The following PLCH2 variants were observed in gnomAD, a reference collection of about 807,000 sequenced individuals.
PLCH2 encodes the protein 1-phosphatidylinositol 4,5-bisphosphate phosphodiesterase eta-2.
In PLCH2, 98 loss-of-function variants were observed where a neutral mutation model predicts 134.7. That is an observed-to-expected ratio of 0.73 (90% CI 0.62 to 0.86). The LOEUF (loss-of-function observed/expected upper bound fraction) is 0.86. PLCH2 is among the 40% of genes least tolerant of loss of function. PLCH2 has a pLI of 0.00. For missense variants in PLCH2, 1,994 were observed against 1,986.6 expected (o/e 1.00, Z -0.07); for synonymous variants, 974 against 827.5 (o/e 1.18, Z -3.04).
Position 2,458,185 on chromosome 1 carries a change from C to T in PLCH2, c.116-20291C>T, listed in dbSNP as rs146908130. ...TGGGTGGGGACTCAGGGCAGGACAC[C>T]GGGCTGCCTGGGGCGGGGGGACTCC... On this transcript the variant is annotated intron_variant, in intron 2 of 3. Transcript: ENST00000609981. Among the ~76,000 whole-genome samples, 14 of 152,276 alleles carry T rather than the reference C, an allele frequency of 9.2e-5. No individual in the cohort carries two copies. In the East Asian group the frequency reaches 2.1e-3, roughly 23 times the overall value.
At chr1:2,468,101 C>T (rs568467142) in intron 1 of PLCH2, among the ~76,000 whole-genome samples, 17 of 152,330 alleles carry the variant, frequency 1.1e-4, no homozygotes, top group Non-Finnish European at 1.6e-4. Context: ...GTGCCAGGGG[C>T]TGGTAGGCTC....
upstream of PLCH2, among the ~76,000 whole-genome samples, chr1:2,466,346 C>T (rs560556013): frequency 1.3e-5 from 2 of 152,302 alleles, no homozygotes; most frequent in Non-Finnish European, 2.9e-5. Flanking sequence ...AGGGGCTGGT[C>T]CAGCCGAGGG....
chr1:2,445,627 G>C (rs12727176), intron 2 of PLCH2, among the ~76,000 whole-genome samples: 18,001 of 151,962 alleles, frequency 0.12, 1,178 homozygotes, highest in African/African-American at 0.16. Flanking sequence ...TGACCAGGTA[G>C]GGACCCTGCC....
chr1:2,484,643 G>T lies in PLCH2; in HGVS notation c.816+25G>T, dbSNP rs776248387. 3.7e-6 allele frequency: 6 copies of T among 1,605,906 alleles called. No individual in the cohort carries two copies. In the South Asian group the frequency reaches 4.4e-5, roughly 12 times the overall value. On this transcript the variant is annotated intron_variant, in intron 5 of 21. Coordinates refer to ENST00000378486, the MANE Select transcript of PLCH2 (RefSeq NM_014638.4). The stretch of plus-strand genomic sequence containing the variant: ...GGTGTGCTGCCCGGGGCAGGTGTTG[G>T]GGGGCCAGCCATCAGGCCTCGCCTT...
chr1:2,501,996 C>T (rs932816054), intron 20 of PLCH2, 116 bp from the exon 21 acceptor site: 19 of 978,204 alleles, frequency 1.9e-5, no homozygotes, highest in African/African-American at 1.7e-5. Flanking sequence ...CCCAGCCCCT[C>T]GGACCGAGAC....
Position 2,495,474 on chromosome 1 carries a change from T to G in PLCH2, c.1753-14T>G. Reference sequence around the variant, plus strand: ...CCAGAGGCCCTACAGCTCACACCTCTGCCCCCCGCACAGAAGAAGGGCAGC... The same window carrying G: ...CCAGAGGCCCTACAGCTCACACCTCGGCCCCCCGCACAGAAGAAGGGCAGC... On this transcript the variant is annotated splice_polypyrimidine_tract_variant and intron_variant, in intron 12 of 21. Transcript: ENST00000378486. The G allele has an allele frequency of 6.4e-7, 1 of 1,550,516 alleles. No individual in the cohort carries two copies. Among genetic ancestry groups the G allele is most frequent in the Non-Finnish European group, 8.7e-7 (1 of 1,146,390 alleles).
At chr1:2,433,340 T>A (rs1162552651) in intron 2 of PLCH2, among the ~76,000 whole-genome samples, 3 of 152,216 alleles carry the variant, frequency 2.0e-5, no homozygotes, top group African/African-American at 7.2e-5. Flanking sequence ...CCCTGGCATC[T>A]CCATGTGGAT....
chr1:2,480,007 G>A (rs1207227825), intron 3 of PLCH2, 30 bp downstream of exon 3: 1 of 1,594,390 alleles, frequency 6.3e-7, no homozygotes, highest in Non-Finnish European at 8.6e-7. Flanking sequence ...GGGCAATGCA[G>A]ACCCAGGGAC....
At chr1:2,416,617 G>C in the PLCH2 span, among the ~76,000 whole-genome samples, 1 of 152,256 alleles carries the variant, frequency 6.6e-6, no homozygotes, top group Non-Finnish European at 1.5e-5. Context: ...GGCACAGTCA[G>C]GCAGAGGCCC....
Position 2,444,931 on chromosome 1 carries a change from C to A in PLCH2, c.115+14302C>A, listed in dbSNP as rs143896965. ...TGTCTGATCCTAGAGACTCCTTCAG[C>A]GAGGTGCAGCCTCAGAGGGGATTCA... On this transcript the variant is annotated intron_variant, in intron 2 of 3. Coordinates refer to the PLCH2 transcript ENST00000609981. The surrounding 1 kb of genome is among the most constrained non-coding windows in gnomAD (Gnocchi z 4.6). Among the ~76,000 whole-genome samples the A allele has an allele frequency of 3.9e-4, 59 of 152,204 alleles. No individual in the cohort carries two copies. Among genetic ancestry groups the A allele is most frequent in the African/African-American group, 1.3e-3 (53 of 41,514 alleles).
At chr1:2,488,529 T>G (rs567223004) in intron 8 of PLCH2, among the ~76,000 whole-genome samples, 10 of 152,270 alleles carry the variant, frequency 6.6e-5, no homozygotes, top group Non-Finnish European at 1.0e-4. Context: ...CAGGACTTGC[T>G]CATCTCTTGC....
chr1:2,449,802 C>G (rs1640109018), intron 2 of PLCH2, among the ~76,000 whole-genome samples: 2 of 152,218 alleles, frequency 1.3e-5, no homozygotes, highest in Admixed American at 1.3e-4. Context: ...CTCTGCCTAG[C>G]CACCTCTCAG....
upstream of PLCH2, among the ~76,000 whole-genome samples, chr1:2,475,275 G>C (rs1362230339): frequency 2.6e-5 from 4 of 152,226 alleles, no homozygotes; most frequent in Non-Finnish European, 5.9e-5. Context: ...CCTGGTATGG[G>C]GGGAGGCGAG....
chr1:2,479,417 G>A (rs906096826), intron 2 of PLCH2: 1 of 279,556 alleles, frequency 3.6e-6, no homozygotes, highest in Non-Finnish European at 7.0e-6. Flanking sequence ...GTGGAGACGT[G>A]CTGGTTAAAC....
intron 2 of PLCH2, among the ~76,000 whole-genome samples, chr1:2,431,091 T>G (rs1639046648): frequency 6.6e-6 from 1 of 152,200 alleles, no homozygotes. Flanking sequence ...CCTGAGCTTC[T>G]GCTGGGATGC....
chr1:2,484,708 A>ATGGG (rs1366076096), intron 5 of PLCH2, 90 bp downstream of exon 5: 2 of 1,411,378 alleles, frequency 1.4e-6, no homozygotes, highest in African/African-American at 2.8e-5. Context: ...GACAGTGGTG[A>ATGGG]TGGGGGAGCT....
intron 2 of PLCH2, among the ~76,000 whole-genome samples, chr1:2,435,856 G>A (rs1639303984): frequency 6.6e-6 from 1 of 151,888 alleles, no homozygotes; most frequent in South Asian, 2.1e-4. Flanking sequence ...TCTGTCCAGT[G>A]TGGGGCTGAA....
At chr1:2,463,998 G>A (rs1440555517), upstream of PLCH2, among the ~76,000 whole-genome samples, 1 of 152,222 alleles carries the variant, frequency 6.6e-6, no homozygotes, top group Admixed American at 6.5e-5. Context: ...GGCATTTTCT[G>A]GAACACACTC....
rs1425155521 is a variant in PLCH2 at position 2,439,953 on chromosome 1, G to A, written c.115+9324G>A. ...ATGTCCGGGACACTGCGGGGGACAA[G>A]GCAACCAGGGAGGCTTCCCAGAGGA... On this transcript the variant is annotated intron_variant, in intron 2 of 3. Transcript: ENST00000609981. This position sits in a 1 kb window ranked among gnomAD's most constrained non-coding sequence, Gnocchi z 4.7. 6.6e-6 allele frequency among the ~76,000 whole-genome samples: 1 copy of A among 152,168 alleles called. No homozygotes were observed. The highest frequency in any genetic ancestry group is 2.4e-5 in the African/African-American group (1 of 41,456).
Sources: gnomAD v4.1 joint callset for allele counts (sites outside exome capture counted in the v4.1 genomes callset) on GRCh38, gnomAD v4.1.1 for gene constraint, Gnocchi (gnomAD v3.1) non-coding constraint, MANE v1.5 for transcripts, NCBI Gene and HGNC (gene_info 2026-07-23, HGNC 2026-07-21) for gene names.